NALF1: variants seen among roughly 807,000 people sequenced by gnomAD.
The protein encoded by NALF1 is NALCN channel auxiliary factor 1, also known as family with sequence similarity 155 member A.
Under a neutral mutation model 48.4 loss-of-function variants are expected in NALF1, and 3 were observed. The observed-to-expected ratio is 0.06, with a 90% CI of 0.03 to 0.16. The LOEUF (loss-of-function observed/expected upper bound fraction) is 0.16. Among genes scored for constraint, NALF1 ranks in the 10% least tolerant of loss-of-function variants. NALF1 has a pLI of 1.00. For missense variants in NALF1, 526 were observed against 571.5 expected, an observed-to-expected ratio of 0.92 and a Z score of 0.81; for synonymous variants, 262 against 245.7, an observed-to-expected ratio of 1.07 and a Z score of -0.62.
intron 1 of NALF1, among the ~76,000 whole-genome samples, chr13:107,540,969 T>A (rs1876983251): frequency 6.6e-6 from 1 of 152,120 alleles, no homozygotes; most frequent in South Asian, 2.1e-4. Flanking sequence ...CCCTGTTAAA[T>A]TAACTTTACA....
rs151005313 is a variant in NALF1 at position 107,620,838 on chromosome 13, G to A, written c.915+244844C>T. 2.0e-3 allele frequency among the ~76,000 whole-genome samples: 310 copies of A among 152,298 alleles called. 1 individual carries two copies. The highest frequency in any genetic ancestry group is 7.1e-3 in the African/African-American group (295 of 41,548). Reference sequence around the variant, plus strand: ...CAGTGAGGGAATGAGGGAGGTGTCCGCCCATTCTAACTCAAGGCTTCTCCT... The same window carrying A: ...CAGTGAGGGAATGAGGGAGGTGTCCACCCATTCTAACTCAAGGCTTCTCCT... On this transcript the variant is annotated intron_variant, in intron 1 of 2. Coordinates refer to ENST00000375915, the MANE Select transcript of NALF1 (RefSeq NM_001080396.3).
At chr13:107,512,547 C>A (rs1875926449) in intron 1 of NALF1, among the ~76,000 whole-genome samples, 1 of 152,044 alleles carries the variant, frequency 6.6e-6, no homozygotes, top group African/African-American at 2.4e-5. Context: ...AGTGGTGGAG[C>A]AGAAGAAAAC....
chr13:107,662,099 A>C (rs1014455882), intron 1 of NALF1, among the ~76,000 whole-genome samples: 51 of 152,324 alleles, frequency 3.3e-4, no homozygotes, highest in African/African-American at 1.2e-3. Context: ...ATTAAAATCA[A>C]ATCCTTCCTC....
chr13:107,619,976 G>A (rs1183763615), intron 1 of NALF1, among the ~76,000 whole-genome samples: 1 of 152,170 alleles, frequency 6.6e-6, no homozygotes, highest in Non-Finnish European at 1.5e-5. Context: ...GGAGTGGAAA[G>A]AAACAGGTGT....
At chr13:107,693,334 G>GA (rs1555318612) in intron 1 of NALF1, among the ~76,000 whole-genome samples, 1 of 124,078 alleles carries the variant, frequency 8.1e-6, no homozygotes, top group East Asian at 3.2e-4. Flanking sequence ...AGGGTAGGGG[G>GA]GGCGGGAGGG....
chr13:107,513,357 CT>C (rs1176709567), intron 1 of NALF1, among the ~76,000 whole-genome samples: 4 of 152,136 alleles, frequency 2.6e-5, no homozygotes, highest in Admixed American at 1.3e-4. Flanking sequence ...CCTTAGCGAT[CT>C]ATTTTTGTGT....
chr13:107,621,546 A>G (rs1334235916), intron 1 of NALF1, among the ~76,000 whole-genome samples: 10 of 152,324 alleles, frequency 6.6e-5, no homozygotes, highest in African/African-American at 2.2e-4. Flanking sequence ...TTAACATGCT[A>G]CTGCTAAGAA....
chr13:107,746,125 A>C (rs936083402), intron 1 of NALF1, among the ~76,000 whole-genome samples: 1 of 152,162 alleles, frequency 6.6e-6, no homozygotes, highest in Non-Finnish European at 1.5e-5. Context: ...TCAATGAAAC[A>C]ACCAATTTAT....
chr13:107,696,037 C>T (rs1881693732), intron 1 of NALF1, among the ~76,000 whole-genome samples: 3 of 152,056 alleles, frequency 2.0e-5, no homozygotes, highest in Admixed American at 2.0e-4. Context: ...GCTGGGATTA[C>T]AGCCATGCAC....
At chr13:107,541,312 C>T (rs184355907) in intron 1 of NALF1, among the ~76,000 whole-genome samples, 2 of 152,160 alleles carry the variant, frequency 1.3e-5, no homozygotes, top group African/African-American at 2.4e-5. Flanking sequence ...TCCTAAACAC[C>T]GTTGTTGTTT....
intron 1 of NALF1, among the ~76,000 whole-genome samples, chr13:107,804,235 C>T (rs1459600303): frequency 6.6e-6 from 1 of 152,184 alleles, no homozygotes; most frequent in Non-Finnish European, 1.5e-5. Context: ...ACCTTGTTCA[C>T]GCCCATCTTC....
intron 1 of NALF1, among the ~76,000 whole-genome samples, chr13:107,421,578 C>T (rs1884187934): frequency 6.6e-6 from 1 of 152,106 alleles, no homozygotes; most frequent in African/African-American, 2.4e-5. Flanking sequence ...ATGATGCCTC[C>T]TTACCCTGAC....
intron 1 of NALF1, among the ~76,000 whole-genome samples, chr13:107,538,056 C>T (rs1357036515): frequency 6.6e-6 from 1 of 152,040 alleles, no homozygotes; most frequent in Non-Finnish European, 1.5e-5. Context: ...ACAAATTCTT[C>T]AAACTTTCCA....
chr13:107,679,582 G>A (rs1052234442), intron 1 of NALF1, among the ~76,000 whole-genome samples: 2 of 152,286 alleles, frequency 1.3e-5, no homozygotes, highest in East Asian at 1.9e-4. Flanking sequence ...CCCTGATGGA[G>A]GGCATGCACC....
chr13:107,515,741 T>G (rs2139091385), intron 1 of NALF1, among the ~76,000 whole-genome samples: 1 of 152,320 alleles, frequency 6.6e-6, no homozygotes, highest in Non-Finnish European at 1.5e-5. Flanking sequence ...CCCTAGGAGC[T>G]GAGACAGCTC....
intron 1 of NALF1, among the ~76,000 whole-genome samples, chr13:107,761,527 T>C (rs1051160266): frequency 2.0e-5 from 3 of 152,190 alleles, no homozygotes; most frequent in Non-Finnish European, 4.4e-5. Flanking sequence ...CAAACTGATA[T>C]TCCACCTAGT....
chr13:107,348,608 G>A (rs1485549680), intron 1 of NALF1, among the ~76,000 whole-genome samples: 2 of 122,502 alleles, frequency 1.6e-5, no homozygotes, highest in African/African-American at 3.1e-5. Context: ...CCCACCCCCC[G>A]GCAGGCCCCT....
At chr13:107,770,988 T>C (rs1877561393) in intron 1 of NALF1, among the ~76,000 whole-genome samples, 1 of 152,172 alleles carries the variant, frequency 6.6e-6, no homozygotes, top group Non-Finnish European at 1.5e-5. Flanking sequence ...TGAGGGAGCC[T>C]GGGTGTAGCT....
At chr13:107,251,578 G>T (rs781749302) in intron 1 of NALF1, among the ~76,000 whole-genome samples, 12 of 152,166 alleles carry the variant, frequency 7.9e-5, no homozygotes, top group Non-Finnish European at 1.6e-4. Flanking sequence ...GCAAGGAGAG[G>T]TTATAAACTT....
Sources: gnomAD v4.1 joint callset for allele counts (sites outside exome capture counted in the v4.1 genomes callset) on GRCh38, gnomAD v4.1.1 for gene constraint, MANE v1.5 for transcripts, NCBI Gene and HGNC (gene_info 2026-07-23, HGNC 2026-07-21) for gene names.